NPR1: variants seen among roughly 807,000 people sequenced by gnomAD.
The protein encoded by NPR1 is atrial natriuretic peptide receptor 1.
In NPR1, 57 loss-of-function variants were observed where a neutral mutation model predicts 116.9. That is an observed-to-expected ratio of 0.49 (90% CI 0.39 to 0.61). The LOEUF is 0.61. Ranked by LOEUF, NPR1 falls within the 20% of genes least tolerant of loss-of-function variation. The pLI, the probability that NPR1 is intolerant of heterozygous loss-of-function variation, is 0.00. For synonymous variants in NPR1, 555 were observed against 601.6 expected (o/e 0.92, Z 1.13); for missense variants, 1,096 against 1,409.8 (o/e 0.78, Z 3.56).
At chr1:153,687,549 A>T in intron 13 of NPR1, 85 bp from the exon 14 acceptor site, 1 of 1,507,626 alleles carries the variant, frequency 6.6e-7, no homozygotes, top group Non-Finnish European at 8.9e-7. Flanking sequence ...ATGCATCCAG[A>T]TCAGTTTCGG....
Position 153,693,722 on chromosome 1 carries a change from C to G in NPR1, c.*308C>G. On this transcript the variant is annotated 3_prime_UTR_variant, in exon 22 of 22. Coordinates refer to ENST00000368680, the MANE Select transcript of NPR1 (RefSeq NM_000906.4). ...GGCTGTGGATTCCTGATCCCCTCCC[C>G]TCCCCATGCTCTCCTCCCTCAGCCT... 2.5e-6 allele frequency: 1 copy of G among 406,714 alleles called. No homozygotes were observed. The highest frequency in any genetic ancestry group is 3.5e-5 in the East Asian group (1 of 28,170). The allele number at this position is 406,714 out of a possible 1,614,324, so 25.2% of individuals were successfully genotyped here.
intron 20 of NPR1, among the ~76,000 whole-genome samples, chr1:153,690,971 A>T (rs4310476): frequency 8.6e-6 from 1 of 116,520 alleles, no homozygotes; most frequent in Non-Finnish European, 1.8e-5. Context: ...AAAAAAAAAG[A>T]CCCTCTGCTC....
At position 153,683,259 on chromosome 1, in the gene NPR1, A is replaced by G. The variant is rs562838417; in HGVS notation, c.1264-117A>G. On this transcript the variant is annotated intron_variant, in intron 5 of 21. Coordinates refer to ENST00000368680, the MANE Select transcript of NPR1 (RefSeq NM_000906.4). ...GGACTTGGTAAGCAGGTGACAACCC[A>G]GATATATATGTAGGCTCTAGAAGCA... The G allele has an allele frequency of 2.4e-6, 3 of 1,228,368 alleles. No homozygotes were observed. The Admixed American group carries it at 8.1e-5, about 33-fold the overall frequency. The allele number at this position is 1,228,368 out of a possible 1,614,324, so 76.1% of individuals were successfully genotyped here.
At chr1:153,684,821 C>G in intron 7 of NPR1, 143 bp from the exon 8 acceptor site, 1 of 1,156,456 alleles carries the variant, frequency 8.6e-7, no homozygotes, top group Admixed American at 2.3e-5. Flanking sequence ...CCCAGCCATC[C>G]TGATTCTCAG....
intron 2 of NPR1, 65 bp from the exon 3 acceptor site, chr1:153,681,115 G>A (rs61757350): frequency 4.9e-6 from 5 of 1,018,416 alleles, no homozygotes; most frequent in Non-Finnish European, 6.2e-6. Context: ...CCAACTGTTG[G>A]GGCCCCACAG....
intron 7 of NPR1, among the ~76,000 whole-genome samples, chr1:153,684,406 T>C (rs1247517717): frequency 2.1e-5 from 3 of 144,116 alleles, no homozygotes; most frequent in African/African-American, 7.9e-5. Flanking sequence ...TTTTTTTTTT[T>C]TTTTGAGACG....
intron 11 of NPR1, 112 bp downstream of exon 11, chr1:153,686,862 T>C: frequency 1.6e-6 from 2 of 1,266,032 alleles, no homozygotes; most frequent in South Asian, 2.6e-5. Context: ...TCTGGCCCCA[T>C]CTGTAAAAAT....
chr1:153,681,919 A>T, intron 4 of NPR1, 80 bp downstream of exon 4: 1 of 1,546,202 alleles, frequency 6.5e-7, no homozygotes, highest in Non-Finnish European at 8.8e-7. Flanking sequence ...TGAGAAGCCT[A>T]TTGTCCTGCA....
intron 5 of NPR1, 139 bp from the exon 6 acceptor site, chr1:153,683,237 C>A: frequency 1.1e-6 from 1 of 934,656 alleles, no homozygotes; most frequent in South Asian, 1.8e-5. Flanking sequence ...GCAGTGGGGA[C>A]TTGGTAAGCA....
rs1185989711 is a variant in NPR1, at chr1:153,679,270, C to G, written c.162C>G (p.Arg54=). The G allele has an allele frequency of 4.6e-6, 7 of 1,527,998 alleles. No individual in the cohort carries two copies. The highest frequency in any genetic ancestry group is 4.4e-6 in the Non-Finnish European group (5 of 1,142,870). 94.7% of individuals were successfully genotyped at this position (1,527,998 alleles called of 1,614,324 possible). A position where few individuals can be genotyped will look rare whatever the true frequency, so the allele number is the denominator to read the frequency against. Residue 54 remains arginine, a synonymous_variant, in exon 1 of 22, where the codon CGC becomes CGG. Coordinates refer to ENST00000368680, the MANE Select transcript of NPR1 (RefSeq NM_000906.4). This position sits in a 1 kb window ranked among gnomAD's most constrained non-coding sequence, Gnocchi z 4.2. The part of the protein sequence containing the change: ...ANTSYPWSWA[R]VGPAVELALA... Reference sequence around the variant, plus strand: ...CCTCGTACCCCTGGTCGTGGGCGCGCGTGGGACCCGCCGTGGAGCTGGCCC... The same window carrying G: ...CCTCGTACCCCTGGTCGTGGGCGCGGGTGGGACCCGCCGTGGAGCTGGCCC...
chr1:153,681,539 TA>T, intron 3 of NPR1, 164 bp from the exon 4 acceptor site: 1 of 729,118 alleles, frequency 1.4e-6, no homozygotes, highest in Non-Finnish European at 2.2e-6. Flanking sequence ...GAAGTGATGC[TA>T]ATCCAAAGGC....
intron 15 of NPR1, 87 bp from the exon 16 acceptor site, chr1:153,688,866 T>A: frequency 1.3e-6 from 2 of 1,550,460 alleles, no homozygotes; most frequent in Non-Finnish European, 1.8e-6. Context: ...CACTGCAGTC[T>A]GGAGGGGGAA....
At position 153,686,655 on chromosome 1, in the gene NPR1, G is replaced by A. The variant is rs61758562; in HGVS notation, c.1768G>A (p.Val590Met). 626 of 1,613,708 alleles carry A rather than the reference G, an allele frequency of 3.9e-4. 2 individuals carry two copies. The Middle Eastern group carries it at 4.0e-3, about 10-fold the overall frequency. ...VLFELKHMRD[V>M]QNEHLTRFVG... Reference sequence around the variant, plus strand: ...CTGGTCCCACTTGCAGATGCGGGATGTGCAGAATGAACACCTGACCAGGTT... The same window carrying A: ...CTGGTCCCACTTGCAGATGCGGGATATGCAGAATGAACACCTGACCAGGTT... The change falls in exon 11 of 22, where the codon GTG (valine) becomes ATG (methionine). Residue 590 changes from valine to methionine, a missense_variant. Physicochemically the swap from Val to Met is conservative, Grantham distance 21. Coordinates refer to ENST00000368680, the MANE Select transcript of NPR1 (RefSeq NM_000906.4).
intron 10 of NPR1, 135 bp downstream of exon 10, chr1:153,686,335 C>A: frequency 1.2e-6 from 1 of 840,002 alleles, no homozygotes; most frequent in Admixed American, 2.1e-5. Context: ...CTGGGATGGA[C>A]CTTCATCTTG....
At chr1:153,686,454 T>C (rs1020261426) in intron 10 of NPR1, among the ~76,000 whole-genome samples, 192 bp from the exon 11 acceptor site, 7 of 151,276 alleles carry the variant, frequency 4.6e-5, no homozygotes, top group Non-Finnish European at 2.9e-5. Flanking sequence ...GGGCTTAGGA[T>C]GCAGAGGGAG....
chr1:153,687,162 C>A, intron 12 of NPR1, 38 bp from the exon 13 acceptor site: 1 of 1,614,080 alleles, frequency 6.2e-7, no homozygotes, highest in Non-Finnish European at 8.5e-7. Context: ...GTGTAGGTCC[C>A]ACTCCTGGCC....
chr1:153,683,941 CAAGGGAGATGAGGAAGA>C, intron 7 of NPR1, 117 bp downstream of exon 7: 1 of 817,588 alleles, frequency 1.2e-6, no homozygotes, highest in South Asian at 1.5e-5. Flanking sequence ...AGGGGAAAAC[CAAGGGAGATGAGGAAGA>C]AAGGAGGCTT....
rs1669837160 is a variant in NPR1 at position 153,683,403 on chromosome 1, C to T, written c.1291C>T (p.Gln431Ter). 41 of 1,614,038 alleles carry T rather than the reference C, an allele frequency of 2.5e-5. No homozygotes were observed. Among genetic ancestry groups the T allele is most frequent in the Non-Finnish European group, 3.3e-5 (39 of 1,180,028 alleles). Residue 431 changes from glutamine to a stop codon, truncating the protein, a stop_gained, in exon 6 of 22, where the codon CAA (glutamine) becomes TAA (stop). Coordinates refer to ENST00000368680, the MANE Select transcript of NPR1 (RefSeq NM_000906.4). LOFTEE classifies it high-confidence loss of function. Reference sequence around the variant, plus strand: ...TGTACTGAACTACAATGGGACTTCCCAAGAGCTGGTGGCTGTGTCGGGGCG... The same window carrying T: ...TGTACTGAACTACAATGGGACTTCCTAAGAGCTGGTGGCTGTGTCGGGGCG... ...RVVLNYNGTS[Q>*]ELVAVSGRKL...
chr1:153,683,980 G>A (rs1182846838), intron 7 of NPR1, among the ~76,000 whole-genome samples, 156 bp downstream of exon 7: 2 of 152,152 alleles, frequency 1.3e-5, no homozygotes, highest in African/African-American at 4.8e-5. Context: ...AAAGCCAGAG[G>A]AGAAAGAAAG....
Sources: gnomAD v4.1 joint callset for allele counts (sites outside exome capture counted in the v4.1 genomes callset) on GRCh38, gnomAD v4.1.1 for gene constraint, Gnocchi (gnomAD v3.1) non-coding constraint, MANE v1.5 for transcripts, NCBI Gene and HGNC (gene_info 2026-07-23, HGNC 2026-07-21) for gene names.